ACOT11: variants seen among roughly 807,000 people sequenced by gnomAD.
ACOT11 encodes acyl-CoA thioesterase 11.
ACOT11 carries 69 observed loss-of-function variants against 77.5 expected under a neutral mutation model. That is an observed-to-expected ratio of 0.89 (90% CI 0.73 to 1.09). The LOEUF (loss-of-function observed/expected upper bound fraction) is 1.09, where lower values mean the gene tolerates loss of function less well. Among genes scored for constraint, ACOT11 ranks in the 50% least tolerant of loss-of-function variants. The probability of loss-of-function intolerance (pLI) is 0.00; values close to 1 mark genes in which losing one functional copy is unlikely to be tolerated. For missense variants in ACOT11, 766 were observed against 813.7 expected, an observed-to-expected ratio of 0.94 and a Z score of 0.71; for synonymous variants, 279 against 313.0, an observed-to-expected ratio of 0.89 and a Z score of 1.15.
rs758288650 is a variant in ACOT11, at chr1:54,607,967, T to C, written c.1528T>C (p.Ser510Pro). Reference sequence around the variant, plus strand: ...GGACCCCTATGTCATCGCGCTGAGGTCGGTCACGCTGCCCACACACCGAGA... The same window carrying C: ...GGACCCCTATGTCATCGCGCTGAGGCCGGTCACGCTGCCCACACACCGAGA... Reference protein sequence around the residue: ...NGDPYVIALRSVTLPTHRETP... With the variant: ...NGDPYVIALRPVTLPTHRETP... The change falls in exon 15 of 16, where the codon TCG becomes CCG. Residue 510 changes from serine (S) to proline (P), a missense_variant. Ser to Pro is a moderately conservative substitution (Grantham distance 74). Transcript: ENST00000343744. The surrounding 1 kb of genome is among the most constrained non-coding windows in gnomAD (Gnocchi z 4.5). 1.5e-5 allele frequency: 24 copies of C among 1,613,224 alleles called. No individual in the cohort carries two copies. The highest frequency in any genetic ancestry group is 1.6e-4 in the Middle Eastern group (1 of 6,084).
intron 15 of ACOT11, chr1:54,623,539 A>G (rs566932593): frequency 2.9e-6 from 2 of 678,854 alleles, no homozygotes; most frequent in East Asian, 2.5e-5. Flanking sequence ...GCCCTGTAAT[A>G]TCCCCTCTGG....
Position 54,607,096 on chromosome 1 carries a change from A to C in ACOT11, c.1371-38A>C. ...GACCCGCTGCTTGCATGGGAGCTGG[A>C]AGCTTCCTGGGGCACTGAGATCCCG... is the stretch of plus-strand genomic sequence containing the variant. On this transcript the variant is annotated intron_variant, in intron 13 of 15. Coordinates refer to ENST00000343744, the MANE Select transcript of ACOT11 (RefSeq NM_147161.4). This position sits in a 1 kb window ranked among gnomAD's most constrained non-coding sequence, Gnocchi z 4.5. The C allele has an allele frequency of 6.2e-7, 1 of 1,612,320 alleles. No homozygotes were observed. Among genetic ancestry groups the C allele is most frequent in the Non-Finnish European group, 8.5e-7 (1 of 1,178,994 alleles).
chr1:54,577,671 A>G (rs1654163792), intron 1 of ACOT11, among the ~76,000 whole-genome samples: 1 of 151,944 alleles, frequency 6.6e-6, no homozygotes, highest in Non-Finnish European at 1.5e-5. Flanking sequence ...TTTTGGGTAT[A>G]TAACTAGGAG....
At chr1:54,619,344 T>G (rs534239099) in intron 15 of ACOT11, among the ~76,000 whole-genome samples, 2 of 152,358 alleles carry the variant, frequency 1.3e-5, no homozygotes, top group South Asian at 2.1e-4. Context: ...CTGACCACTC[T>G]GGGCTCCAAT....
intron 1 of ACOT11, among the ~76,000 whole-genome samples, chr1:54,555,372 G>A (rs949432480): frequency 2.6e-5 from 4 of 152,090 alleles, no homozygotes; most frequent in African/African-American, 9.7e-5. Context: ...TATACCTGGT[G>A]GACATTTGTA....
chr1:54,580,540 A>G (rs1224602123), intron 1 of ACOT11, among the ~76,000 whole-genome samples: 1 of 152,096 alleles, frequency 6.6e-6, no homozygotes, highest in Non-Finnish European at 1.5e-5. Flanking sequence ...TGTCACCTGA[A>G]CCACAGCCGT....
At chr1:54,604,233 C>G (rs899836611) in intron 11 of ACOT11, 113 bp from the exon 12 acceptor site, 2 of 963,646 alleles carry the variant, frequency 2.1e-6, no homozygotes, top group Non-Finnish European at 1.6e-6. Flanking sequence ...CACCACCCAC[C>G]CACCGCCCAA....
At chr1:54,602,991 C>T (rs1229394230) in intron 10 of ACOT11, among the ~76,000 whole-genome samples, 5 of 152,196 alleles carry the variant, frequency 3.3e-5, no homozygotes, top group African/African-American at 9.7e-5. Flanking sequence ...CTGAGTCCAG[C>T]CGATTTTAAA....
chr1:54,608,471 G>A (rs1459579142), intron 15 of ACOT11, among the ~76,000 whole-genome samples: 4 of 152,086 alleles, frequency 2.6e-5, no homozygotes, highest in African/African-American at 4.8e-5. Flanking sequence ...GTGGGGTACT[G>A]CAGCCTCCCC....
chr1:54,568,644 G>A (rs894177313), intron 1 of ACOT11, among the ~76,000 whole-genome samples: 6 of 152,136 alleles, frequency 3.9e-5, no homozygotes, highest in South Asian at 2.1e-4. Context: ...GATTACAGGC[G>A]TGAGCCACCA....
rs1007753449 is a variant in ACOT11 at position 54,622,134 on chromosome 1, G to A, written c.1630-8600G>A. 3.3e-5 allele frequency among the ~76,000 whole-genome samples: 5 copies of A among 151,608 alleles called. No individual in the cohort carries two copies. The East Asian group carries it at 9.7e-4, about 29-fold the overall frequency. On this transcript the variant is annotated intron_variant, in intron 15 of 16. Coordinates refer to the ACOT11 transcript ENST00000371316. Reference sequence around the variant, plus strand: ...AGTAAAAATACAAAAAATTTAGTCTGGTGTGGTGGTGCCCACCTGTAATCC... The same window carrying A: ...AGTAAAAATACAAAAAATTTAGTCTAGTGTGGTGGTGCCCACCTGTAATCC...
At position 54,549,816 on chromosome 1, in the gene ACOT11, C is replaced by CAAA. The variant is rs543575760; in HGVS notation, c.33+1475_33+1476insAAA. On this transcript the variant is annotated intron_variant, in intron 1 of 15. Coordinates refer to ENST00000343744, the MANE Select transcript of ACOT11 (RefSeq NM_147161.4). ...GAGTAGCAGGGCCGCTTGCTCTTGTCACCTGAGTGCAGGGCAGAGTGTCTC... is the reference window on the plus strand; with the variant it reads ...GAGTAGCAGGGCCGCTTGCTCTTGTCAAAACCTGAGTGCAGGGCAGAGTGTCTC... Among the ~76,000 whole-genome samples, 67 of 152,338 alleles carry CAAA rather than the reference C, an allele frequency of 4.4e-4. No homozygotes were observed. In the East Asian group the frequency reaches 0.012, roughly 28 times the overall value.
At chr1:54,619,986 C>T in intron 15 of ACOT11, 2 of 1,613,884 alleles carry the variant, frequency 1.2e-6, no homozygotes, top group Non-Finnish European at 1.7e-6. Context: ...GGCATCAGGG[C>T]TGCAGGCCTC....
At chr1:54,601,120 T>C in intron 8 of ACOT11, 149 bp from the exon 9 acceptor site, 1 of 721,054 alleles carries the variant, frequency 1.4e-6, no homozygotes, top group South Asian at 2.0e-5. Flanking sequence ...TGCATACATG[T>C]GTGTGTATGT....
chr1:54,591,653 C>T (rs979302244), intron 3 of ACOT11, among the ~76,000 whole-genome samples: 1 of 152,252 alleles, frequency 6.6e-6, no homozygotes, highest in Admixed American at 6.5e-5. Flanking sequence ...ATCAGCTGGG[C>T]ACCCTCTGCC....
chr1:54,570,882 C>T (rs1340948704), intron 1 of ACOT11, among the ~76,000 whole-genome samples: 1 of 151,998 alleles, frequency 6.6e-6, no homozygotes, highest in Non-Finnish European at 1.5e-5. Flanking sequence ...AGAGTTTCAC[C>T]ATGTTGGCCA....
Position 54,629,891 on chromosome 1 carries a change from T to A in ACOT11, c.1630-843T>A, listed in dbSNP as rs574805458. Among the ~76,000 whole-genome samples the A allele has an allele frequency of 3.0e-5, 4 of 132,922 alleles. No individual in the cohort carries two copies. The East Asian group carries it at 9.5e-4, about 32-fold the overall frequency. The allele number at this position is 132,922 out of a possible 152,430, so 87.2% of individuals were successfully genotyped here. ...TACCACACCCAGCCTGTTTAATGTT[T>A]ATTTTTTTATTTTTATTTTTATGTT... On this transcript the variant is annotated intron_variant, in intron 15 of 16. Transcript: ENST00000371316.
At chr1:54,587,296 C>G (rs1569718382) in intron 3 of ACOT11, among the ~76,000 whole-genome samples, 1 of 151,966 alleles carries the variant, frequency 6.6e-6, no homozygotes, top group East Asian at 2.0e-4. Flanking sequence ...GGGTGGATCA[C>G]GAGGTCAGGA....
At position 54,592,433 on chromosome 1, in the gene ACOT11, G is replaced by A. The variant is rs918639411; in HGVS notation, c.312-113G>A. 14 of 1,017,358 alleles carry A rather than the reference G, an allele frequency of 1.4e-5. No individual in the cohort carries two copies. The African/African-American group carries it at 2.1e-4, about 15-fold the overall frequency. 63.0% of individuals were successfully genotyped at this position (1,017,358 alleles called of 1,614,324 possible). ...TCGCAGATGTGAATATGCCCTGCAA[G>A]CCATGAAGTTATCCTGCCAGCTCCC... On this transcript the variant is annotated intron_variant, in intron 3 of 15. Transcript: ENST00000343744.
Sources: gnomAD v4.1 joint callset for allele counts (sites outside exome capture counted in the v4.1 genomes callset) on GRCh38, gnomAD v4.1.1 for gene constraint, Gnocchi (gnomAD v3.1) non-coding constraint, MANE v1.5 for transcripts, NCBI Gene and HGNC (gene_info 2026-07-23, HGNC 2026-07-21) for gene names.